Variants in SUPT3H observed in about 807,000 individuals in gnomAD.
SUPT3H encodes the protein transcription initiation protein SPT3 homolog.
A neutral mutation model predicts 44.3 loss-of-function variants in SUPT3H; 44 were observed. The ratio of observed to expected loss-of-function variants is 0.99; its 90% confidence interval spans 0.78 to 1.28. SUPT3H has a LOEUF of 1.28. SUPT3H is among the 50% of genes most tolerant of loss of function. The pLI is 0.00. For missense variants in SUPT3H, 380 were observed against 387.1 expected (o/e 0.98, Z 0.15); for synonymous variants, 124 against 125.6 (o/e 0.99, Z 0.09).
chr6:45,076,865 C>T (rs1036917308), intron 3 of SUPT3H, among the ~76,000 whole-genome samples: 10 of 152,144 alleles, frequency 6.6e-5, no homozygotes, highest in African/African-American at 2.2e-4. Flanking sequence ...ATTCCATGCA[C>T]AATACTGGGT....
intron 3 of SUPT3H, among the ~76,000 whole-genome samples, chr6:45,056,572 C>T (rs1330684326): frequency 2.0e-5 from 3 of 152,098 alleles, no homozygotes; most frequent in Admixed American, 1.3e-4. Flanking sequence ...GAACTGGAGA[C>T]CATTATTCTA....
chr6:44,918,322 TAAA>T (rs1375031839), intron 10 of SUPT3H, among the ~76,000 whole-genome samples: 2 of 152,188 alleles, frequency 1.3e-5, no homozygotes, highest in African/African-American at 4.8e-5. Context: ...TTCTGAGAAT[TAAA>T]AAGTCCCCAC....
chr6:45,130,976 C>CA (rs572857009), intron 2 of SUPT3H, among the ~76,000 whole-genome samples: 169 of 152,084 alleles, frequency 1.1e-3, no homozygotes, highest in African/African-American at 3.7e-3. Context: ...CTCGGTCTCC[C>CA]AAAGTGCTGG....
chr6:44,991,768 C>G (rs1262745285), intron 6 of SUPT3H, among the ~76,000 whole-genome samples: 2 of 152,062 alleles, frequency 1.3e-5, no homozygotes, highest in Non-Finnish European at 2.9e-5. Context: ...AGCATGGATG[C>G]ACATAAAGAA....
chr6:45,339,949 T>C (rs1439424776), intron 2 of SUPT3H, among the ~76,000 whole-genome samples: 2 of 152,184 alleles, frequency 1.3e-5, no homozygotes, highest in Admixed American at 6.6e-5. Flanking sequence ...AACTCCCTTA[T>C]ATGAGACATG....
intron 3 of SUPT3H, chr6:45,098,731 C>A (rs185539594): frequency 4.4e-5 from 19 of 432,646 alleles, no homozygotes; most frequent in South Asian, 2.7e-4. Flanking sequence ...CTGGATAATA[C>A]CCTTTCTGAG....
intron 1 of SUPT3H, among the ~76,000 whole-genome samples, chr6:45,368,155 C>G (rs920505037): frequency 6.6e-6 from 1 of 152,138 alleles, no homozygotes; most frequent in Non-Finnish European, 1.5e-5. Flanking sequence ...GCAGTTGTTT[C>G]AGCTTTCAAT....
chr6:45,046,813 T>C lies in SUPT3H; in HGVS notation c.187-26181A>G, dbSNP rs73737859. Among the ~76,000 whole-genome samples the C allele has an allele frequency of 3.9e-3, 595 of 152,270 alleles. 7 individuals carry two copies. The highest frequency in any genetic ancestry group is 0.014 in the African/African-American group (567 of 41,540). ...GGCTGCAATGAATCTGTAGAACAAT[T>C]TGGGGAAAAATGATGCCCAACAATA... is the stretch of plus-strand genomic sequence containing the variant. On this transcript the variant is annotated intron_variant, in intron 3 of 10. Transcript: ENST00000371459.
intron 2 of SUPT3H, among the ~76,000 whole-genome samples, chr6:45,210,666 TG>T (rs747483553): frequency 1.2e-4 from 19 of 152,240 alleles, no homozygotes; most frequent in Non-Finnish European, 2.2e-4. Flanking sequence ...GGCTGTCTCA[TG>T]GGTGCATCCT....
intron 10 of SUPT3H, among the ~76,000 whole-genome samples, chr6:44,927,140 T>C (rs1362582702): frequency 6.6e-6 from 1 of 152,120 alleles, no homozygotes; most frequent in Non-Finnish European, 1.5e-5. Flanking sequence ...GTTAGATGTA[T>C]AATGTGTATT....
chr6:44,957,926 G>A (rs941385134), intron 7 of SUPT3H, among the ~76,000 whole-genome samples: 5 of 152,132 alleles, frequency 3.3e-5, no homozygotes, highest in African/African-American at 9.7e-5. Context: ...TCCCTGTCAT[G>A]TGGAGAAGGA....
At chr6:45,141,439 T>G (rs938938169) in intron 2 of SUPT3H, among the ~76,000 whole-genome samples, 1 of 148,056 alleles carries the variant, frequency 6.8e-6, no homozygotes, top group Non-Finnish European at 1.5e-5. Flanking sequence ...CTTAAATAAG[T>G]TTTTTTTAAA....
rs184880188 is a variant in SUPT3H, at chr6:45,326,473, C to T, written c.101+38728G>A. On this transcript the variant is annotated intron_variant, in intron 2 of 10. Coordinates refer to ENST00000371459, the MANE Select transcript of SUPT3H (RefSeq NM_003599.4). The stretch of plus-strand genomic sequence containing the variant: ...ATTTTTCTCTCCTTCACATGAATAA[C>T]TGCATGTTAAATGAACGCTTTTACC... Among the ~76,000 whole-genome samples, 17 of 151,986 alleles carry T rather than the reference C, an allele frequency of 1.1e-4. No individual in the cohort carries two copies. The East Asian group carries it at 2.7e-3, about 24-fold the overall frequency.
rs542070767 is a variant in SUPT3H at position 45,178,686 on chromosome 6, G to A, written c.102-72680C>T. On this transcript the variant is annotated intron_variant, in intron 2 of 10. Coordinates refer to ENST00000371459, the MANE Select transcript of SUPT3H (RefSeq NM_003599.4). The stretch of plus-strand genomic sequence containing the variant: ...GGAAGTAAAGCTCTCCTCAGCAAAT[G>A]TAAAAGAACAGAAATTATAACAAAC... Among the ~76,000 whole-genome samples the A allele has an allele frequency of 2.0e-4, 30 of 152,154 alleles. No homozygotes were observed. The East Asian group carries it at 5.6e-3, about 28-fold the overall frequency.
At chr6:45,280,925 G>A (rs568825772) in intron 2 of SUPT3H, among the ~76,000 whole-genome samples, 1 of 152,238 alleles carries the variant, frequency 6.6e-6, no homozygotes, top group East Asian at 1.9e-4. Context: ...CATCTGTAAT[G>A]TCCATAAAAA....
intron 2 of SUPT3H, chr6:45,197,595 A>C: frequency 3.2e-6 from 1 of 315,338 alleles, no homozygotes; most frequent in East Asian, 1.3e-4. Flanking sequence ...AACAAAATTA[A>C]GGTAAACTAT....
At chr6:44,818,405 G>A (rs886898802) in intron 11 of SUPT3H, among the ~76,000 whole-genome samples, 7 of 152,082 alleles carry the variant, frequency 4.6e-5, no homozygotes, top group Admixed American at 4.6e-4. Flanking sequence ...GTGAGCTTGG[G>A]TTAGATGAAG....
intron 10 of SUPT3H, among the ~76,000 whole-genome samples, chr6:44,898,245 T>C (rs759881252): frequency 2.0e-5 from 3 of 152,184 alleles, no homozygotes; most frequent in Non-Finnish European, 4.4e-5. Context: ...ATTCATGCCC[T>C]TATGTATAGT....
chr6:45,365,424 T>G, intron 1 of SUPT3H, 123 bp from the exon 2 acceptor site: 1 of 634,570 alleles, frequency 1.6e-6, no homozygotes. Context: ...TGATTTGTTT[T>G]GCACAAAACT....
Sources: allele counts gnomAD v4.1 joint callset (sites outside exome capture counted in the v4.1 genomes callset), GRCh38; gene constraint gnomAD v4.1.1; transcripts MANE v1.5; gene names NCBI Gene and HGNC (gene_info 2026-07-23, HGNC 2026-07-21).